Variants in SLC6A16 observed in about 807,000 individuals in gnomAD.
SLC6A16 encodes the protein solute carrier family 6 member 16.
SLC6A16 carries 54 observed loss-of-function variants against 65.4 expected under a neutral mutation model. That is an observed-to-expected ratio of 0.83 (90% CI 0.66 to 1.04). The LOEUF (loss-of-function observed/expected upper bound fraction) is 1.04, where lower values mean the gene tolerates loss of function less well. Among genes scored for constraint, SLC6A16 ranks in the 50% least tolerant of loss-of-function variants. The pLI, the probability that SLC6A16 is intolerant of heterozygous loss-of-function variation, is 0.00. For missense variants in SLC6A16, 816 were observed against 914.0 expected, an observed-to-expected ratio of 0.89 and a Z score of 1.38; for synonymous variants, 330 against 346.5, an observed-to-expected ratio of 0.95 and a Z score of 0.53.
chr19:49,314,023 G>A (rs1305789128), intron 1 of SLC6A16, among the ~76,000 whole-genome samples: 1 of 151,854 alleles, frequency 6.6e-6, no homozygotes, highest in Non-Finnish European at 1.5e-5. Context: ...GTGAACCTGG[G>A]AAGCGGAGTT....
chr19:49,329,977 G>A (rs778514585), upstream of SLC6A16, among the ~76,000 whole-genome samples: 3 of 152,062 alleles, frequency 2.0e-5, no homozygotes, highest in East Asian at 3.9e-4. Context: ...TTAATAGCCA[G>A]GTGTGGTGGC....
chr19:49,331,806 C>T, the SLC6A16 span: 1 of 457,182 alleles, frequency 2.2e-6, no homozygotes, highest in African/African-American at 2.0e-5. Flanking sequence ...TGCAAGGAGA[C>T]CTGGGAAATG....
At chr19:49,298,643 G>T (rs1000653547) in intron 7 of SLC6A16, among the ~76,000 whole-genome samples, 5 of 152,164 alleles carry the variant, frequency 3.3e-5, no homozygotes, top group African/African-American at 1.2e-4. Flanking sequence ...GAAGCAGTTT[G>T]GAGATTTCTC....
intron 10 of SLC6A16, chr19:49,293,013 CT>C (rs539327519): frequency 6.6e-4 from 339 of 511,728 alleles, no homozygotes; most frequent in African/African-American, 5.5e-3. Flanking sequence ...TTCAATGCCC[CT>C]ATCCCTGATG....
the SLC6A16 span, chr19:49,337,808 A>G: frequency 6.4e-7 from 1 of 1,562,536 alleles, no homozygotes; most frequent in East Asian, 2.4e-5. Context: ...CTAGCCATTC[A>G]GTAAGGATTT....
At chr19:49,318,288 A>G (rs116483930) in intron 1 of SLC6A16, among the ~76,000 whole-genome samples, 2,699 of 152,288 alleles carry the variant, frequency 0.018, 77 homozygotes, top group African/African-American at 0.055. Flanking sequence ...GAGAGACTTT[A>G]CTGAATACTT....
Position 49,311,056 on chromosome 19 carries a change from C to CA in SLC6A16, c.291dup (p.Glu98Ter). 1.2e-6 allele frequency: 2 copies of CA among 1,614,240 alleles called. No individual in the cohort carries two copies. Among genetic ancestry groups the CA allele is most frequent in the Non-Finnish European group, 1.7e-6 (2 of 1,180,052 alleles). On this transcript the variant is annotated frameshift_variant, in exon 2 of 12. Coordinates refer to ENST00000335875, the MANE Select transcript of SLC6A16 (RefSeq NM_014037.3). LOFTEE classifies it high-confidence loss of function. Reference sequence around the variant, plus strand: ...CAGAACGGACGGGCAAGGAGGACCTCACTCTCTTTCTTCTCTGTCATCTGC... The same window carrying CA: ...CAGAACGGACGGGCAAGGAGGACCTCAACTCTCTTTCTTCTCTGTCATCTGC...
At chr19:49,301,278 G>A (rs1970286804) in intron 7 of SLC6A16, among the ~76,000 whole-genome samples, 2 of 152,112 alleles carry the variant, frequency 1.3e-5, no homozygotes, top group South Asian at 4.1e-4. Context: ...ATGAGAGCAG[G>A]CTATACCACC....
chr19:49,340,003 G>A, the SLC6A16 span: 66 of 1,446,848 alleles, frequency 4.6e-5, no homozygotes, highest in African/African-American at 8.0e-4. Context: ...CAAAATAAAG[G>A]ACCCTGGGCT....
chr19:49,293,482 T>C (rs965816192), intron 9 of SLC6A16, 100 bp from the exon 10 acceptor site: 1 of 1,175,670 alleles, frequency 8.5e-7, no homozygotes, highest in Non-Finnish European at 1.2e-6. Context: ...GACCCAGTGG[T>C]AGCCGGGCGA....
In SLC6A16 at chr19:49,290,046, C is replaced by A; in HGVS notation, c.*77G>T. ...GTGGTTCTGGATCCAGGGAGATCAA[C>A]AGTTGCAAGCTGATATTAAGAGTTG... On this transcript the variant is annotated 3_prime_UTR_variant, in exon 12 of 12. Coordinates refer to ENST00000335875, the MANE Select transcript of SLC6A16 (RefSeq NM_014037.3). 1 of 1,437,752 alleles carries A rather than the reference C, an allele frequency of 7.0e-7. No homozygotes were observed. Among genetic ancestry groups the A allele is most frequent in the Admixed American group, 1.9e-5 (1 of 52,030 alleles). The allele number at this position is 1,437,752 out of a possible 1,614,324, so 89.1% of individuals were successfully genotyped here.
At chr19:49,335,450 TTC>T in the SLC6A16 span, 765 of 937,882 alleles carry the variant, frequency 8.2e-4, 2 homozygotes, top group Non-Finnish European at 1.1e-3. The surrounding 1 kb of genome is among the most constrained non-coding windows in gnomAD (Gnocchi z 4.6). Context: ...CCGTCTCTCT[TTC>T]TCTCTCAGCC....
At chr19:49,310,861 TG>T in intron 2 of SLC6A16, 71 bp downstream of exon 2, 2 of 1,164,496 alleles carry the variant, frequency 1.7e-6, no homozygotes, top group Non-Finnish European at 2.5e-6. Flanking sequence ...GAAACATTCA[TG>T]GTTAAAGCCT....
chr19:49,309,583 C>T (rs1428707523), intron 5 of SLC6A16, 68 bp downstream of exon 5: 24 of 1,469,662 alleles, frequency 1.6e-5, no homozygotes, highest in Non-Finnish European at 2.2e-5. Context: ...AGGAGATCAA[C>T]AAGTAACAAA....
chr19:49,293,198 T>C, intron 10 of SLC6A16, 25 bp downstream of exon 10: 2 of 1,612,804 alleles, frequency 1.2e-6, no homozygotes, highest in Non-Finnish European at 1.7e-6. Context: ...CCATGCTTTG[T>C]GAGAACCTGG....
the SLC6A16 span, chr19:49,337,921 T>C: frequency 6.2e-7 from 1 of 1,613,896 alleles, no homozygotes; most frequent in Non-Finnish European, 8.5e-7. Flanking sequence ...TGGTGGCCTC[T>C]CAGCTGGAGC....
the SLC6A16 span, among the ~76,000 whole-genome samples, chr19:49,333,212 C>T: frequency 6.6e-6 from 1 of 151,986 alleles, no homozygotes; most frequent in Admixed American, 6.6e-5. Flanking sequence ...GTGGCTCATG[C>T]CTGTAATCCC....
chr19:49,310,015 T>C (rs139293555), intron 4 of SLC6A16, 25 bp downstream of exon 4: 3 of 1,610,580 alleles, frequency 1.9e-6, no homozygotes, highest in Non-Finnish European at 2.5e-6. Context: ...TTTTCCCTTC[T>C]CCTCTTCTTT....
chr19:49,303,899 A>G, intron 7 of SLC6A16, among the ~76,000 whole-genome samples: 1 of 152,264 alleles, frequency 6.6e-6, no homozygotes, highest in Non-Finnish European at 1.5e-5. Context: ...CTTTGAGATG[A>G]TAACAAAAGA....
Sources: gnomAD v4.1 joint callset for allele counts (sites outside exome capture counted in the v4.1 genomes callset) on GRCh38, gnomAD v4.1.1 for gene constraint, Gnocchi (gnomAD v3.1) non-coding constraint, MANE v1.5 for transcripts, NCBI Gene and HGNC (gene_info 2026-07-23, HGNC 2026-07-21) for gene names.